Variants in CEP170B observed in about 807,000 individuals in gnomAD.
CEP170B encodes centrosomal protein of 170 kDa protein B.
A neutral mutation model predicts 120.6 loss-of-function variants in CEP170B; 55 were observed. The observed-to-expected ratio is 0.46, with a 90% CI of 0.37 to 0.57. The LOEUF (loss-of-function observed/expected upper bound fraction) is 0.57, where lower values mean the gene tolerates loss of function less well. CEP170B is among the 20% of genes least tolerant of loss of function. The pLI is 0.00. For missense variants in CEP170B, 2,212 were observed against 2,253.3 expected (o/e 0.98, Z 0.37); for synonymous variants, 1,033 against 954.5 (o/e 1.08, Z -1.52).
intron 13 of CEP170B, among the ~76,000 whole-genome samples, chr14:104,890,358 A>ATGGAT (rs144402459): frequency 0.59 from 44,431 of 74,814 alleles, 16,312 homozygotes; most frequent in Middle Eastern, 0.78. Context: ...GGATGGATGG[A>ATGGAT]TGGATGAGTG....
rs1242659385 is a variant in CEP170B at position 104,886,707 on chromosome 14, G to A, written c.2468G>A (p.Gly823Glu). ...LAAPGDGEGL[G>E]QTAQPSPPAR... Reference sequence around the variant, plus strand: ...GCTCCAGGGGATGGGGAGGGCCTAGGGCAGACAGCCCAGCCCAGCCCCCCA... The same window carrying A: ...GCTCCAGGGGATGGGGAGGGCCTAGAGCAGACAGCCCAGCCCAGCCCCCCA... The change falls in exon 12 of 19, where the codon GGG (glycine) becomes GAG (glutamate). Residue 823 changes from glycine to glutamate, a missense_variant. By Grantham distance (98) the Gly-to-Glu change is moderately conservative. Transcript: ENST00000414716. 1.9e-6 allele frequency: 3 copies of A among 1,591,978 alleles called. No homozygotes were observed. Among genetic ancestry groups the A allele is most frequent in the East Asian group, 2.2e-5 (1 of 44,658 alleles).
chr14:104,878,881 G>C (rs1895999113), intron 5 of CEP170B, among the ~76,000 whole-genome samples: 3 of 152,228 alleles, frequency 2.0e-5, no homozygotes, highest in African/African-American at 7.2e-5. Context: ...TTTAGCTGTG[G>C]CTCACAGAAC....
At position 104,875,560 on chromosome 14, in the gene CEP170B, G is replaced by A. The variant is rs367960100; in HGVS notation, c.106-696G>A. Among the ~76,000 whole-genome samples the A allele has an allele frequency of 1.1e-4, 16 of 151,966 alleles. 1 individual carries two copies. In the East Asian group the frequency reaches 2.9e-3, roughly 28 times the overall value. On this transcript the variant is annotated intron_variant, in intron 2 of 18. Coordinates refer to ENST00000414716, the MANE Select transcript of CEP170B (RefSeq NM_001112726.3). ...GCAGCGCTGTGTGGAGTTGGGGGCC[G>A]GGTGGGCAGCAGCTGTGCTCGCAGT...
chr14:104,878,347 G>T, intron 4 of CEP170B, 96 bp from the exon 5 acceptor site: 2 of 1,289,842 alleles, frequency 1.6e-6, no homozygotes, highest in Non-Finnish European at 2.2e-6. Context: ...TGCCTGCCTC[G>T]ATGGGCCCTT....
chr14:104,894,823 C>G lies in CEP170B; in HGVS notation c.4530C>G (p.Ser1510Arg). The G allele has an allele frequency of 1.2e-6, 2 of 1,607,220 alleles. No homozygotes were observed. The highest frequency in any genetic ancestry group is 2.2e-5 in the South Asian group (2 of 90,904). Residue 1510 changes from serine (S) to arginine (R), a missense_variant, in exon 19 of 19, where the codon AGC (serine) becomes AGG (arginine). Physicochemically the swap from Ser to Arg is moderately radical, Grantham distance 110 (BLOSUM62 -1). Coordinates refer to ENST00000414716, the MANE Select transcript of CEP170B (RefSeq NM_001112726.3). ...GLGKGRVAAQ[S>R]PPSPASAEAL... is the part of the protein sequence containing the mutation. The stretch of plus-strand genomic sequence containing the variant: ...GGAAGGGCCGCGTGGCTGCCCAGAG[C>G]CCACCCTCACCCGCCTCAGCCGAGG...
chr14:104,871,349 G>A (rs954853471), intron 2 of CEP170B, among the ~76,000 whole-genome samples: 1 of 150,798 alleles, frequency 6.6e-6, no homozygotes, highest in Admixed American at 6.6e-5. Flanking sequence ...CGGGGTCCCC[G>A]CCAGGGTCCC....
In CEP170B at chr14:104,883,386, C is replaced by G. The variant is rs776151540; in HGVS notation, c.929C>G (p.Ala310Gly). The G allele has an allele frequency of 6.2e-7, 1 of 1,602,816 alleles. No homozygotes were observed. Among genetic ancestry groups the G allele is most frequent in the South Asian group, 1.1e-5 (1 of 89,242 alleles). Residue 310 changes from alanine (A) to glycine (G), a missense_variant, in exon 8 of 19, where the codon GCT becomes GGT. This residue lies in a region of CEP170B where 2,166 missense variants were observed against 2,166.7 expected (regional missense o/e 1.00). Coordinates refer to ENST00000414716, the MANE Select transcript of CEP170B (RefSeq NM_001112726.3). ...GCCACACCTGGCGAGATGGTGTCGG[C>G]TGAGACCAAGGTGGCCGACTGGCTG... ...KEATPGEMVS[A>G]ETKVADWLVQ...
intron 8 of CEP170B, 142 bp downstream of exon 8, chr14:104,883,650 T>G: frequency 9.0e-7 from 1 of 1,111,562 alleles, no homozygotes. Flanking sequence ...AAGAGCCACC[T>G]GCCTGGTCAG....
rs1380250808 is a variant in CEP170B at position 104,889,637 on chromosome 14, G to A, written c.3757G>A (p.Ala1253Thr). The change falls in exon 13 of 19, where the codon GCT becomes ACT. Residue 1253 changes from alanine (A) to threonine (T), a missense_variant. Around this residue, in one of 2 missense-constraint regions of CEP170B, gnomAD observed 2,166 missense variants for 2,166.7 expected, o/e 1.00. Coordinates refer to ENST00000414716, the MANE Select transcript of CEP170B (RefSeq NM_001112726.3). ...CTCAACAGCCACTCAGACCCCGAGGGCTGGCAGCTCCAGCCGGGCTCGTTC... is the reference window on the plus strand; with the variant it reads ...CTCAACAGCCACTCAGACCCCGAGGACTGGCAGCTCCAGCCGGGCTCGTTC... ...RYTSTTQTPR[A>T]GSSSRARSRA... 1 of 1,611,626 alleles carries A rather than the reference G, an allele frequency of 6.2e-7. No individual in the cohort carries two copies. The highest frequency in any genetic ancestry group is 8.5e-7 in the Non-Finnish European group (1 of 1,179,754).
In CEP170B at chr14:104,886,696, G is replaced by T; in HGVS notation, c.2457G>T (p.Gly819=). The part of the protein sequence containing the change: ...SRKPLAAPGD[G]EGLGQTAQPS... ...AACCGCTTGCGGCTCCAGGGGATGG[G>T]GAGGGCCTAGGGCAGACAGCCCAGC... The change falls in exon 12 of 19, where the codon GGG becomes GGT. Residue 819 remains glycine (G), a synonymous_variant. Transcript: ENST00000414716. 1 of 1,563,662 alleles carries T rather than the reference G, an allele frequency of 6.4e-7. No homozygotes were observed. The highest frequency in any genetic ancestry group is 8.7e-7 in the Non-Finnish European group (1 of 1,155,474).
Position 104,895,286 on chromosome 14 carries a change from T to G in CEP170B, c.*328T>G, listed in dbSNP as rs1022729165. ...CATCACTGTTATTTTTGTCTTTAGC[T>G]TTAAAGGAAAGAGTTGTTGGTGCCA... On this transcript the variant is annotated 3_prime_UTR_variant, in exon 19 of 19. Transcript: ENST00000414716. The G allele has an allele frequency of 3.3e-6, 1 of 303,048 alleles. No homozygotes were observed. Among genetic ancestry groups the G allele is most frequent in the African/African-American group, 2.2e-5 (1 of 46,178 alleles). 18.8% of individuals were successfully genotyped at this position (303,048 alleles called of 1,614,324 possible). A position where few individuals can be genotyped will look rare whatever the true frequency, so the allele number is the denominator to read the frequency against.
chr14:104,893,306 C>T (rs2841242), intron 14 of CEP170B, among the ~76,000 whole-genome samples, 171 bp downstream of exon 14: 1 of 152,260 alleles, frequency 6.6e-6, no homozygotes, highest in African/African-American at 2.4e-5. Context: ...CCGGAGAGCT[C>T]GAGGTCTGGG....
chr14:104,890,309 AGTGG>A (rs199822368), intron 13 of CEP170B, among the ~76,000 whole-genome samples: 18 of 11,566 alleles, frequency 1.6e-3, no homozygotes, highest in South Asian at 6.9e-3. Context: ...TGGATGGGTG[AGTGG>A]GTGGGTGGGT....
At position 104,893,592 on chromosome 14, in the gene CEP170B, G is replaced by A. The variant is rs758414876; in HGVS notation, c.4108G>A (p.Asp1370Asn). ...KVPPGSLNSR[D>N]FDQNMNDSCE... ...GCCGCCCGGCTCGCTGAACTCTCGG[G>A]ACTTTGACCAGAACATGAACGACAG... is the stretch of plus-strand genomic sequence containing the variant. The change falls in exon 15 of 19, where the codon GAC becomes AAC. Residue 1370 changes from aspartate to asparagine, a missense_variant. By Grantham distance (23) the Asp-to-Asn change is conservative. This residue lies in a region of CEP170B where 2,166 missense variants were observed against 2,166.7 expected (regional missense o/e 1.00). Coordinates refer to ENST00000414716, the MANE Select transcript of CEP170B (RefSeq NM_001112726.3). 3 of 1,603,524 alleles carry A rather than the reference G, an allele frequency of 1.9e-6. No individual in the cohort carries two copies. Among genetic ancestry groups the A allele is most frequent in the Admixed American group, 3.4e-5 (2 of 58,872 alleles).
At chr14:104,879,411 A>G (rs1184089661) in intron 5 of CEP170B, among the ~76,000 whole-genome samples, 1 of 152,104 alleles carries the variant, frequency 6.6e-6, no homozygotes, top group Non-Finnish European at 1.5e-5. Flanking sequence ...GGGTCACTTC[A>G]GGCTGAGAGG....
intron 2 of CEP170B, among the ~76,000 whole-genome samples, chr14:104,873,513 A>C (rs1895684612): frequency 6.6e-6 from 1 of 151,662 alleles, no homozygotes; most frequent in East Asian, 2.0e-4. Context: ...GCCGAGAGGA[A>C]GACCAGTGTT....
In CEP170B at chr14:104,884,103, G is replaced by A. The variant is rs763733382; in HGVS notation, c.1324G>A (p.Asp442Asn). ...ADKRRGPTPA[D>N]RDRPSVPAPV... is the part of the protein sequence containing the mutation. ...CAAGCGCCGTGGCCCAACGCCGGCCGATAGGGACCGCCCCAGTGTCCCAGC... is the reference window on the plus strand; with the variant it reads ...CAAGCGCCGTGGCCCAACGCCGGCCAATAGGGACCGCCCCAGTGTCCCAGC... Residue 442 changes from aspartate (D) to asparagine (N), a missense_variant, in exon 9 of 19, where the codon GAT (aspartate) becomes AAT (asparagine). This residue lies in a region of CEP170B where 2,166 missense variants were observed against 2,166.7 expected (regional missense o/e 1.00). Coordinates refer to ENST00000414716, the MANE Select transcript of CEP170B (RefSeq NM_001112726.3). 12 of 1,578,932 alleles carry A rather than the reference G, an allele frequency of 7.6e-6. No individual in the cohort carries two copies. Among genetic ancestry groups the A allele is most frequent in the African/African-American group, 4.0e-5 (3 of 74,192 alleles).
intron 14 of CEP170B, 54 bp downstream of exon 14, chr14:104,893,189 C>G: frequency 6.4e-7 from 1 of 1,550,634 alleles, no homozygotes; most frequent in Non-Finnish European, 8.7e-7. Flanking sequence ...CGAGGAGGGT[C>G]AGGCCAGGTC....
chr14:104,894,921 C>A lies in CEP170B; in HGVS notation c.4628C>A (p.Pro1543His). The A allele has an allele frequency of 6.3e-7, 1 of 1,594,026 alleles. No homozygotes were observed. The change falls in exon 19 of 19, where the codon CCC becomes CAC. Residue 1543 changes from proline (P) to histidine (H), a missense_variant. Pro to His is a moderately conservative substitution (Grantham distance 77, BLOSUM62 -2). Transcript: ENST00000414716. ...ASCGPPSLPD[P>H]TFLPDAERFL... is the part of the protein sequence containing the mutation. Reference sequence around the variant, plus strand: ...TGTGGGCCTCCCAGCCTCCCGGACCCCACCTTCCTCCCTGATGCCGAGAGG... The same window carrying A: ...TGTGGGCCTCCCAGCCTCCCGGACCACACCTTCCTCCCTGATGCCGAGAGG...
Sources: allele counts gnomAD v4.1 joint callset (sites outside exome capture counted in the v4.1 genomes callset), GRCh38; gene constraint gnomAD v4.1.1; regional missense constraint gnomAD v4.1.1; transcripts MANE v1.5; gene names NCBI Gene and HGNC (gene_info 2026-07-23, HGNC 2026-07-21).